The following DROSHA variants were observed in gnomAD, a reference collection of about 807,000 sequenced individuals.
The protein encoded by DROSHA is ribonuclease 3.
A neutral mutation model predicts 181.9 loss-of-function variants in DROSHA; 56 were observed. The ratio of observed to expected loss-of-function variants is 0.31; its 90% CI spans 0.25 to 0.38. The LOEUF (loss-of-function observed/expected upper bound fraction) is 0.38, where lower values mean the gene tolerates loss of function less well. Among genes scored for constraint, DROSHA ranks in the 10% least tolerant of loss-of-function variants. The pLI is 1.00. For synonymous variants in DROSHA, 524 were observed against 591.2 expected (o/e 0.89, Z 1.65); for missense variants, 1,218 against 1,743.5 (o/e 0.70, Z 5.37).
chr5:31,487,856 T>C (rs766060247), intron 13 of DROSHA, among the ~76,000 whole-genome samples: 3 of 152,178 alleles, frequency 2.0e-5, no homozygotes, highest in Non-Finnish European at 2.9e-5. Flanking sequence ...TTAAAAATAT[T>C]TAAGAGTTAC....
intron 15 of DROSHA, 109 bp from the exon 16 acceptor site, chr5:31,483,737 GA>G: frequency 9.4e-7 from 1 of 1,067,156 alleles, no homozygotes; most frequent in Non-Finnish European, 1.3e-6. Context: ...ACTACCACCA[GA>G]AGTAGAGGCA....
intron 30 of DROSHA, among the ~76,000 whole-genome samples, chr5:31,420,280 A>G (rs918077480): frequency 6.6e-6 from 1 of 152,246 alleles, no homozygotes; most frequent in Non-Finnish European, 1.5e-5. Flanking sequence ...TGCACTAAGT[A>G]TCTTGCAGTG....
At chr5:31,496,963 AG>A (rs1753055689) in intron 11 of DROSHA, among the ~76,000 whole-genome samples, 1 of 152,214 alleles carries the variant, frequency 6.6e-6, no homozygotes, top group South Asian at 2.1e-4. Context: ...TCATCTGAGC[AG>A]GTTGTGGAGG....
intron 22 of DROSHA, 62 bp from the exon 23 acceptor site, chr5:31,448,669 T>C: frequency 7.7e-7 from 1 of 1,299,510 alleles, no homozygotes; most frequent in Non-Finnish European, 1.1e-6. Context: ...AGGACCATCA[T>C]ATTACAGTAG....
At chr5:31,407,454 TGA>T (rs1457593829) in intron 33 of DROSHA, among the ~76,000 whole-genome samples, 3 of 152,190 alleles carry the variant, frequency 2.0e-5, no homozygotes, top group African/African-American at 7.2e-5. Context: ...CTGAAACATC[TGA>T]GATCACTTGA....
In DROSHA at chr5:31,429,520, C is replaced by T; in HGVS notation, c.3171G>A (p.Leu1057=). The part of the protein sequence containing the change: ...LIGAVYLEGS[L]EEAKQLFGRL... ...GTCCAAATAACTGCTTGGCTTCCTC[C>T]AGGCTTCCCTCCAAGTAAACAGCTC... Residue 1057 remains leucine, a synonymous_variant, in exon 27 of 36, where the codon CTG becomes CTA. Coordinates refer to ENST00000344624, the MANE Select transcript of DROSHA (RefSeq NM_001382508.1). 6.2e-7 allele frequency: 1 copy of T among 1,612,004 alleles called. No homozygotes were observed. Among genetic ancestry groups the T allele is most frequent in the Non-Finnish European group, 8.5e-7 (1 of 1,178,764 alleles).
chr5:31,459,386 T>C (rs1481432031), intron 20 of DROSHA, among the ~76,000 whole-genome samples: 2 of 144,136 alleles, frequency 1.4e-5, no homozygotes, highest in Non-Finnish European at 3.0e-5. Context: ...GATTCCAGCC[T>C]GGGCAACACA....
At chr5:31,512,506 A>G (rs1580351959) in intron 8 of DROSHA, among the ~76,000 whole-genome samples, 1 of 152,196 alleles carries the variant, frequency 6.6e-6, no homozygotes, top group African/African-American at 2.4e-5. Flanking sequence ...TAAGATTTGG[A>G]GAAGAGAACT....
At chr5:31,475,206 T>G (rs1750227057) in intron 16 of DROSHA, among the ~76,000 whole-genome samples, 1 of 152,144 alleles carries the variant, frequency 6.6e-6, no homozygotes, top group Non-Finnish European at 1.5e-5. Context: ...TGGTCCCAGC[T>G]GCTCAGGAGG....
chr5:31,520,037 G>GC (rs373514141), intron 6 of DROSHA, among the ~76,000 whole-genome samples: 5 of 152,184 alleles, frequency 3.3e-5, no homozygotes, highest in African/African-American at 1.2e-4. Context: ...TACAGAATGA[G>GC]CTGAGCTTTC....
Position 31,409,403 on chromosome 5 carries a change from A to G in DROSHA, c.3668-71T>C. On this transcript the variant is annotated intron_variant, in intron 31 of 35. Transcript: ENST00000344624. This position sits in a 1 kb window ranked among gnomAD's most constrained non-coding sequence, Gnocchi z 4.0. ...CTATCAGAAAGAGTAAGAGACCTAG[A>G]CCTTTAAGCAAAATTTTAGTAATAG... 1 of 1,417,778 alleles carries G rather than the reference A, an allele frequency of 7.1e-7. No individual in the cohort carries two copies. Among genetic ancestry groups the G allele is most frequent in the East Asian group, 2.5e-5 (1 of 39,992 alleles). 87.8% of individuals were successfully genotyped at this position (1,417,778 alleles called of 1,614,324 possible).
Position 31,431,505 on chromosome 5 carries a change from T to G in DROSHA, c.3145+71A>C. The G allele has an allele frequency of 2.0e-6, 3 of 1,496,382 alleles. No individual in the cohort carries two copies. In the South Asian group the frequency reaches 3.5e-5, roughly 17 times the overall value. The allele number at this position is 1,496,382 out of a possible 1,614,324, so 92.7% of individuals were successfully genotyped here. ...GTAATTCTGTCCCAAGTTTCCACACTAAATTTTATGTGCTCTCCAGACTGT... is the reference window on the plus strand; with the variant it reads ...GTAATTCTGTCCCAAGTTTCCACACGAAATTTTATGTGCTCTCCAGACTGT... On this transcript the variant is annotated intron_variant, in intron 26 of 35. Transcript: ENST00000344624.
In DROSHA at chr5:31,515,028, T is replaced by G; in HGVS notation, c.1250A>C (p.His417Pro). 1 of 1,614,002 alleles carries G rather than the reference T, an allele frequency of 6.2e-7. No homozygotes were observed. Among genetic ancestry groups the G allele is most frequent in the Non-Finnish European group, 8.5e-7 (1 of 1,179,888 alleles). The change falls in exon 8 of 36, where the codon CAT (histidine) becomes CCT (proline). Residue 417 changes from histidine to proline, a missense_variant. His to Pro is a moderately conservative substitution (Grantham distance 77). Transcript: ENST00000344624. ...LLKPVWIRCTHSENYYSSDPM... is the reference protein window; with the variant it reads ...LLKPVWIRCTPSENYYSSDPM... ...GTCACTGGAGTAGTAGTTTTCTGAA[T>G]GAGTGCATCGAATCCACACAGGCTT...
intron 34 of DROSHA, among the ~76,000 whole-genome samples, chr5:31,406,277 G>C (rs187537882): frequency 2.8e-4 from 42 of 152,172 alleles, no homozygotes; most frequent in Admixed American, 7.2e-4. Context: ...GGAGGCTGAG[G>C]GGGGGTTGGG....
At chr5:31,451,062 C>T (rs1338432751) in intron 21 of DROSHA, among the ~76,000 whole-genome samples, 1 of 152,114 alleles carries the variant, frequency 6.6e-6, no homozygotes, top group Non-Finnish European at 1.5e-5. Context: ...ATTAGCCAGG[C>T]ATGGTGGCGG....
At chr5:31,478,085 C>G (rs1267899720) in intron 16 of DROSHA, among the ~76,000 whole-genome samples, 1 of 152,028 alleles carries the variant, frequency 6.6e-6, no homozygotes, top group Non-Finnish European at 1.5e-5. Context: ...AAACAAAAAG[C>G]AAGTCAGAAT....
intron 11 of DROSHA, among the ~76,000 whole-genome samples, chr5:31,502,280 G>A (rs1030475691): frequency 1.3e-5 from 2 of 152,178 alleles, no homozygotes; most frequent in East Asian, 1.9e-4. Context: ...CATATGTTTC[G>A]GCAGATCCTA....
At chr5:31,494,027 G>C (rs1203590346) in intron 12 of DROSHA, among the ~76,000 whole-genome samples, 1 of 150,990 alleles carries the variant, frequency 6.6e-6, no homozygotes, top group African/African-American at 2.4e-5. Flanking sequence ...GGAGTGCAGT[G>C]GCATGATCTT....
intron 20 of DROSHA, among the ~76,000 whole-genome samples, chr5:31,458,152 T>C (rs1482982588): frequency 6.6e-6 from 1 of 152,222 alleles, no homozygotes; most frequent in Non-Finnish European, 1.5e-5. Flanking sequence ...ACTGATGATA[T>C]GCTGTGTCCC....
Sources: allele counts gnomAD v4.1 joint callset (sites outside exome capture counted in the v4.1 genomes callset), GRCh38; gene constraint gnomAD v4.1.1; non-coding constraint Gnocchi (gnomAD v3.1); transcripts MANE v1.5; gene names NCBI Gene and HGNC (gene_info 2026-07-23, HGNC 2026-07-21).